Variants in FREM1 observed in about 807,000 individuals in gnomAD.
FREM1 encodes the protein FRAS1 related extracellular matrix 1, also known as FRAS1-related extracellular matrix protein 1.
Under a neutral mutation model 210.1 loss-of-function variants are expected in FREM1, and 220 were observed. That is an observed-to-expected ratio of 1.05 (90% confidence interval 0.94 to 1.17). The LOEUF (loss-of-function observed/expected upper bound fraction) is 1.17, where lower values mean the gene tolerates loss of function less well. FREM1 is among the 50% of genes most tolerant of loss of function. FREM1 has a pLI of 0.00. For synonymous variants in FREM1, 1,189 were observed against 980.2 expected, an observed-to-expected ratio of 1.21 and a Z score of -3.98; for missense variants, 3,454 against 2,675.5, an observed-to-expected ratio of 1.29 and a Z score of -6.42.
chr9:14,857,718 C>A lies in FREM1; in HGVS notation c.663G>T (p.Gly221=). The A allele has an allele frequency of 6.2e-7, 1 of 1,609,646 alleles. No individual in the cohort carries two copies. Among genetic ancestry groups the A allele is most frequent in the Non-Finnish European group, 8.5e-7 (1 of 1,177,700 alleles). ...TTTTCTTTAATCCTGGGGTACAGCT[C>A]CCACCTGGACACTTCAGTTTTGCTC... is the stretch of plus-strand genomic sequence containing the variant. The part of the protein sequence containing the change: ...QLRAKLKCPG[G]SCTPGLKKIG... Residue 221 remains glycine (G), a synonymous_variant, in exon 5 of 37, where the codon GGG becomes GGT. Coordinates refer to ENST00000380880, the MANE Select transcript of FREM1 (RefSeq NM_001379081.2).
chr9:14,899,338 G>A (rs765267686), intron 1 of FREM1, among the ~76,000 whole-genome samples: 2 of 152,186 alleles, frequency 1.3e-5, no homozygotes, highest in Non-Finnish European at 2.9e-5. Flanking sequence ...TGAGCTTAAT[G>A]GCATTAAGAA....
At position 14,869,106 on chromosome 9, in the gene FREM1, C is replaced by A. The variant is rs1832103931; in HGVS notation, c.-129G>T. On this transcript the variant is annotated 5_prime_UTR_variant, in exon 2 of 37. Transcript: ENST00000380880. ...GGTGAGGGGTCCTGACAATGTGCCCCGAGATCTTAACATGCCCCTTTCATT... is the reference window on the plus strand; with the variant it reads ...GGTGAGGGGTCCTGACAATGTGCCCAGAGATCTTAACATGCCCCTTTCATT... The A allele has an allele frequency of 6.6e-6, 4 of 605,608 alleles. No homozygotes were observed. In the Admixed American group the frequency reaches 8.9e-5, roughly 13 times the overall value. The allele number at this position is 605,608 out of a possible 1,614,324, so 37.5% of individuals were successfully genotyped here.
rs1200784322 is a variant in FREM1, at chr9:14,851,482, T to G, written c.954A>C (p.Ser318=). The change falls in exon 6 of 37, where the codon TCA becomes TCC. Residue 318 remains serine (S), a synonymous_variant. Coordinates refer to ENST00000380880, the MANE Select transcript of FREM1 (RefSeq NM_001379081.2). ...TCTCATCTTCTTCACAGTCCAGAAC[T>G]GATGTAGTCAAGGAGGTCAGGATGA... is the stretch of plus-strand genomic sequence containing the variant. ...DQFILTSLTT[S]VLDCEEDETP... 2 of 1,613,852 alleles carry G rather than the reference T, an allele frequency of 1.2e-6. No individual in the cohort carries two copies. Among genetic ancestry groups the G allele is most frequent in the African/African-American group, 1.3e-5 (1 of 74,904 alleles).
intron 20 of FREM1, among the ~76,000 whole-genome samples, chr9:14,798,734 C>T (rs1852920409): frequency 6.6e-6 from 1 of 152,102 alleles, no homozygotes; most frequent in South Asian, 2.1e-4. Flanking sequence ...AATGCAGTGA[C>T]ATGATATTGG....
intron 13 of FREM1, among the ~76,000 whole-genome samples, chr9:14,821,770 C>T (rs564946496): frequency 1.7e-4 from 26 of 152,300 alleles, no homozygotes; most frequent in Admixed American, 5.2e-4. Context: ...AGAGCACGCC[C>T]TATGCAATGG....
intron 1 of FREM1, among the ~76,000 whole-genome samples, chr9:14,900,007 G>T (rs981206258): frequency 6.6e-6 from 1 of 152,176 alleles, no homozygotes; most frequent in African/African-American, 2.4e-5. Flanking sequence ...TGTGCAATGT[G>T]GGGGCTGAGT....
intron 1 of FREM1, among the ~76,000 whole-genome samples, chr9:14,900,552 C>A (rs1473217178): frequency 1.3e-5 from 2 of 152,022 alleles, no homozygotes; most frequent in Non-Finnish European, 2.9e-5. Context: ...AGCCCAAAAG[C>A]AAGACCCAGT....
intron 25 of FREM1, among the ~76,000 whole-genome samples, chr9:14,775,076 T>C (rs1028401929): frequency 6.6e-6 from 1 of 152,202 alleles, no homozygotes; most frequent in Non-Finnish European, 1.5e-5. Context: ...CAACATCAAA[T>C]ATGTTTCAGG....
intron 21 of FREM1, among the ~76,000 whole-genome samples, chr9:14,796,687 T>C (rs919918642): frequency 3.3e-5 from 5 of 152,130 alleles, no homozygotes; most frequent in Non-Finnish European, 7.4e-5. Flanking sequence ...ATCTGATGGT[T>C]TTATAAGGGG....
At chr9:14,902,718 G>T (rs1011439070) in intron 1 of FREM1, among the ~76,000 whole-genome samples, 1 of 152,178 alleles carries the variant, frequency 6.6e-6, no homozygotes, top group African/African-American at 2.4e-5. Flanking sequence ...GAAAGATTCT[G>T]TAAAAGTGCA....
At chr9:14,878,899 C>G (rs549295197) in intron 1 of FREM1, among the ~76,000 whole-genome samples, 1 of 152,140 alleles carries the variant, frequency 6.6e-6, no homozygotes, top group Non-Finnish European at 1.5e-5. Flanking sequence ...CTCATACCTG[C>G]AATTCCAGTA....
chr9:14,776,302 T>C (rs1423703843), intron 24 of FREM1, 99 bp from the exon 25 acceptor site: 5 of 1,332,020 alleles, frequency 3.8e-6, no homozygotes, highest in Non-Finnish European at 4.9e-6. Flanking sequence ...AAGGGTATTG[T>C]CGTGTTGTGA....
chr9:14,893,401 GC>G (rs930979420), intron 1 of FREM1, among the ~76,000 whole-genome samples: 2 of 152,204 alleles, frequency 1.3e-5, no homozygotes, highest in Non-Finnish European at 2.9e-5. Flanking sequence ...AGACAGTCCA[GC>G]AAAACTGGTC....
At chr9:14,839,570 C>T (rs1825266913) in intron 10 of FREM1, among the ~76,000 whole-genome samples, 1 of 152,070 alleles carries the variant, frequency 6.6e-6, no homozygotes, top group South Asian at 2.1e-4. Context: ...GAAACCTATC[C>T]ATCACAGGGA....
chr9:14,825,163 C>T (rs1057069556), intron 10 of FREM1, among the ~76,000 whole-genome samples, 171 bp from the exon 11 acceptor site: 1 of 151,948 alleles, frequency 6.6e-6, no homozygotes. Context: ...AATGGAAATC[C>T]TCTACTCATT....
intron 15 of FREM1, among the ~76,000 whole-genome samples, chr9:14,813,926 G>A (rs141763478): frequency 6.6e-6 from 1 of 152,024 alleles, no homozygotes; most frequent in East Asian, 1.9e-4. Context: ...ACTGCCTTTC[G>A]GAGACCTTCA....
At chr9:14,884,988 G>A (rs1012191457) in intron 1 of FREM1, among the ~76,000 whole-genome samples, 11 of 128,838 alleles carry the variant, frequency 8.5e-5, no homozygotes, top group East Asian at 2.5e-4. Context: ...GCAGTGGTGC[G>A]ATCTCGGCTC....
chr9:14,863,723 G>A, intron 3 of FREM1, 86 bp downstream of exon 3: 1 of 774,918 alleles, frequency 1.3e-6, no homozygotes, highest in Non-Finnish European at 2.2e-6. Context: ...CTCCCCTCAT[G>A]ACAATACATA....
Position 14,748,391 on chromosome 9 carries a change from C to G in FREM1, c.5796+10G>C. ...TTGCACATCATTTCCCAGAAGGTCC[C>G]CATCCTTACTGTTTTGCCATTCCCA... On this transcript the variant is annotated intron_variant, in intron 31 of 36. Transcript: ENST00000380880. 1 of 1,481,006 alleles carries G rather than the reference C, an allele frequency of 6.8e-7. No homozygotes were observed. Among genetic ancestry groups the G allele is most frequent in the Non-Finnish European group, 9.4e-7 (1 of 1,060,602 alleles). The allele number at this position is 1,481,006 out of a possible 1,614,324, so 91.7% of individuals were successfully genotyped here.
Sources: gnomAD v4.1 joint callset for allele counts (sites outside exome capture counted in the v4.1 genomes callset) on GRCh38, gnomAD v4.1.1 for gene constraint, MANE v1.5 for transcripts, NCBI Gene and HGNC (gene_info 2026-07-23, HGNC 2026-07-21) for gene names.